LARGE1: variants seen among roughly 807,000 people sequenced by gnomAD.
LARGE1 encodes the protein LARGE xylosyl- and glucuronyltransferase 1, also known as xylosyl- and glucuronyltransferase LARGE1.
In LARGE1, 43 loss-of-function variants were observed where a neutral mutation model predicts 87.6. The ratio of observed to expected loss-of-function variants is 0.49; its 90% CI spans 0.38 to 0.63. The LOEUF is 0.63. Among genes scored for constraint, LARGE1 ranks in the 30% least tolerant of loss-of-function variants. The pLI is 0.00. For synonymous variants in LARGE1, 434 were observed against 394.6 expected, an observed-to-expected ratio of 1.10 and a Z score of -1.18; for missense variants, 802 against 1,000.2, an observed-to-expected ratio of 0.80 and a Z score of 2.67.
the LARGE1 span, among the ~76,000 whole-genome samples, chr22:33,117,522 T>C: frequency 6.6e-6 from 1 of 151,716 alleles, no homozygotes. Flanking sequence ...ATTGAGGAGA[T>C]TGGGGAGGGT....
intron 1 of LARGE1, among the ~76,000 whole-genome samples, chr22:33,857,961 A>G (rs1345126458): frequency 6.6e-6 from 1 of 152,092 alleles, no homozygotes; most frequent in Non-Finnish European, 1.5e-5. Flanking sequence ...CGCTTCCAAA[A>G]TGGCGGCCGG....
intron 6 of LARGE1, among the ~76,000 whole-genome samples, chr22:33,562,365 T>G (rs113562570): frequency 0.031 from 4,699 of 152,350 alleles, 119 homozygotes; most frequent in African/African-American, 0.071. Context: ...GCACTCTGCC[T>G]TGTTTCTGAG....
chr22:33,848,769 A>G (rs550244230), intron 1 of LARGE1, among the ~76,000 whole-genome samples: 19 of 152,350 alleles, frequency 1.2e-4, no homozygotes, highest in Admixed American at 1.0e-3. Context: ...AGGGCCTCTG[A>G]GGCAGAGAGA....
intron 6 of LARGE1, among the ~76,000 whole-genome samples, chr22:33,515,478 T>A (rs756763429): frequency 1.1e-4 from 17 of 152,168 alleles, no homozygotes; most frequent in Non-Finnish European, 8.8e-5. Context: ...TGACACATGA[T>A]TGGCACTTGG....
At chr22:33,580,092 C>T (rs913196984) in intron 5 of LARGE1, among the ~76,000 whole-genome samples, 2 of 152,122 alleles carry the variant, frequency 1.3e-5, no homozygotes, top group Non-Finnish European at 1.5e-5. Flanking sequence ...ACAAGGCGGC[C>T]GGGCGCAGTG....
At chr22:33,480,215 G>A (rs1337721136) in intron 6 of LARGE1, among the ~76,000 whole-genome samples, 1 of 152,196 alleles carries the variant, frequency 6.6e-6, no homozygotes, top group Non-Finnish European at 1.5e-5. Flanking sequence ...GCAGACCTCG[G>A]AGCAGGGCTG....
chr22:33,308,871 G>A (rs1458587878), intron 11 of LARGE1, among the ~76,000 whole-genome samples: 2 of 152,148 alleles, frequency 1.3e-5, no homozygotes, highest in African/African-American at 4.8e-5. Flanking sequence ...TTGGATTTGA[G>A]GGTTAAATGA....
chr22:33,783,435 G>A (rs1286205524), intron 1 of LARGE1, among the ~76,000 whole-genome samples: 1 of 151,908 alleles, frequency 6.6e-6, no homozygotes, highest in South Asian at 2.1e-4. Flanking sequence ...CATGGTGGCG[G>A]GTGCCTGTAA....
Position 33,519,489 on chromosome 22 carries a change from C to A in LARGE1, c.787+45359G>T, listed in dbSNP as rs2071469653. The stretch of plus-strand genomic sequence containing the variant: ...AAAACGCATCTCAGGCCACAGGTCC[C>A]CATAAAATAAAGTACCAGCCCCTGC... On this transcript the variant is annotated intron_variant, in intron 6 of 14. Transcript: ENST00000397394. Among the ~76,000 whole-genome samples the A allele has an allele frequency of 2.6e-5, 4 of 152,122 alleles. No homozygotes were observed. The South Asian group carries it at 8.3e-4, about 32-fold the overall frequency.
At chr22:33,435,720 TA>T (rs2067246028) in intron 6 of LARGE1, among the ~76,000 whole-genome samples, 1 of 152,178 alleles carries the variant, frequency 6.6e-6, no homozygotes, top group South Asian at 2.1e-4. Context: ...ATGGTTAACC[TA>T]AAGTCACGTT....
intron 6 of LARGE1, among the ~76,000 whole-genome samples, chr22:33,449,513 A>T (rs139894850): frequency 4.6e-5 from 7 of 152,242 alleles, no homozygotes; most frequent in African/African-American, 1.4e-4. Context: ...GCAATCAAGC[A>T]CTCTGACTCC....
At chr22:33,387,300 G>A (rs1350137797) in intron 7 of LARGE1, among the ~76,000 whole-genome samples, 2 of 150,412 alleles carry the variant, frequency 1.3e-5, no homozygotes, top group East Asian at 1.9e-4. Flanking sequence ...GGTGGTGCAC[G>A]CCTGTAGTCC....
chr22:33,672,581 A>G (rs2267251), intron 2 of LARGE1, among the ~76,000 whole-genome samples: 58,772 of 151,746 alleles, frequency 0.39, 11,551 homozygotes, highest in Admixed American at 0.51. Context: ...CTCCTGACCA[A>G]TTTGGGTGGG....
intron 2 of LARGE1, among the ~76,000 whole-genome samples, chr22:33,694,712 G>T (rs1325580533): frequency 6.6e-6 from 1 of 152,094 alleles, no homozygotes; most frequent in African/African-American, 2.4e-5. Flanking sequence ...AAGGTGTGGA[G>T]AGACAGGAGG....
chr22:33,787,603 T>C (rs1483575246), intron 1 of LARGE1, among the ~76,000 whole-genome samples: 1 of 152,220 alleles, frequency 6.6e-6, no homozygotes, highest in Non-Finnish European at 1.5e-5. Flanking sequence ...TCCCAACATG[T>C]TGCACTCAGC....
chr22:33,201,233 G>A (rs770134020), intron 11 of LARGE1, among the ~76,000 whole-genome samples: 6 of 152,014 alleles, frequency 3.9e-5, no homozygotes, highest in Non-Finnish European at 8.8e-5. Context: ...ACTTGAACTT[G>A]GGAGGCAGAG....
chr22:33,430,727 T>C (rs575454113), intron 7 of LARGE1, among the ~76,000 whole-genome samples: 12 of 152,340 alleles, frequency 7.9e-5, no homozygotes, highest in Admixed American at 7.8e-4. Context: ...CTGGACTTTC[T>C]TTCCTTGTCC....
intron 1 of LARGE1, among the ~76,000 whole-genome samples, chr22:33,828,617 T>A (rs1226438438): frequency 1.3e-5 from 2 of 152,082 alleles, no homozygotes; most frequent in African/African-American, 4.8e-5. Context: ...ACTCTGAGGG[T>A]ACCTTCCATG....
chr22:33,269,845 A>G (rs549403779), downstream of LARGE1, among the ~76,000 whole-genome samples: 85 of 152,160 alleles, frequency 5.6e-4, 3 homozygotes, highest in South Asian at 0.017. Context: ...CTCTACTAAA[A>G]ATACAAAAAA....
Sources: gnomAD v4.1 joint callset for allele counts (sites outside exome capture counted in the v4.1 genomes callset) on GRCh38, gnomAD v4.1.1 for gene constraint, MANE v1.5 for transcripts, NCBI Gene and HGNC (gene_info 2026-07-23, HGNC 2026-07-21) for gene names.